Variants in RFC3 observed in about 807,000 individuals in gnomAD.
RFC3 encodes replication factor C subunit 3.
RFC3 carries 41 observed loss-of-function variants against 45.1 expected under a neutral mutation model. The ratio of observed to expected loss-of-function variants is 0.91; its 90% confidence interval spans 0.71 to 1.18. The LOEUF is 1.18. RFC3 is among the 50% of genes most tolerant of loss of function. RFC3 has a pLI of 0.00. For missense variants in RFC3, 423 were observed against 428.1 expected, an observed-to-expected ratio of 0.99 and a Z score of 0.10; for synonymous variants, 149 against 144.0, an observed-to-expected ratio of 1.03 and a Z score of -0.25.
chr13:33,969,823 A>G (rs1177134597), downstream of RFC3, among the ~76,000 whole-genome samples: 2 of 152,164 alleles, frequency 1.3e-5, no homozygotes, highest in African/African-American at 4.8e-5. Flanking sequence ...TAACTATAGA[A>G]ATTATATGTG....
rs1347054649 is a variant in RFC3, at chr13:33,836,099, T to C, written c.880-5T>C. 3.1e-6 allele frequency: 5 copies of C among 1,599,546 alleles called. No individual in the cohort carries two copies. In the African/African-American group the frequency reaches 6.7e-5, roughly 21 times the overall value. ...ATTTTTAAATTACTGATTATTTTTG[T>C]TTAGGGCCTTCTCTCAGAACTGTTA... is the stretch of plus-strand genomic sequence containing the variant. On this transcript the variant is annotated splice_region_variant and splice_polypyrimidine_tract_variant and intron_variant, in intron 8 of 8. Transcript: ENST00000380071.
downstream of RFC3, among the ~76,000 whole-genome samples, chr13:33,842,492 A>C (rs1278954523): frequency 6.6e-6 from 1 of 152,122 alleles, no homozygotes; most frequent in East Asian, 1.9e-4. Context: ...CTCTTAACGT[A>C]GGAGTGCTTT....
chr13:33,860,350 T>C (rs938710665), intron 8 of RFC3, among the ~76,000 whole-genome samples: 1 of 151,912 alleles, frequency 6.6e-6, no homozygotes. Context: ...CACCACACAC[T>C]CACTTGCTTG....
chr13:33,905,421 T>C (rs1375431426), intron 8 of RFC3, among the ~76,000 whole-genome samples: 1 of 145,738 alleles, frequency 6.9e-6, no homozygotes, highest in Non-Finnish European at 1.5e-5. Context: ...ACTTGTGTTC[T>C]CTTTTTTTTT....
chr13:33,896,522 G>A (rs1423872898), intron 8 of RFC3, among the ~76,000 whole-genome samples: 3 of 151,668 alleles, frequency 2.0e-5, no homozygotes, highest in Admixed American at 1.3e-4. Context: ...TCAGGAATTT[G>A]AGACCAGCCT....
At chr13:33,877,040 C>T (rs1566012800) in intron 8 of RFC3, among the ~76,000 whole-genome samples, 2 of 152,210 alleles carry the variant, frequency 1.3e-5, no homozygotes, top group East Asian at 1.9e-4. Flanking sequence ...AAGATAACAG[C>T]TGAAAGCTAC....
chr13:33,867,989 A>G (rs2082384436), intron 8 of RFC3, among the ~76,000 whole-genome samples: 1 of 152,238 alleles, frequency 6.6e-6, no homozygotes, highest in Non-Finnish European at 1.5e-5. Context: ...ACAGAAATAG[A>G]GAGGAAAATA....
chr13:33,865,388 G>A (rs564802627), intron 8 of RFC3, among the ~76,000 whole-genome samples: 7 of 152,176 alleles, frequency 4.6e-5, no homozygotes, highest in Non-Finnish European at 8.8e-5. Flanking sequence ...GGTCTGGAAT[G>A]GGAATGCATG....
intron 8 of RFC3, among the ~76,000 whole-genome samples, chr13:33,873,706 A>G (rs2082427724): frequency 6.6e-6 from 1 of 152,194 alleles, no homozygotes; most frequent in Admixed American, 6.5e-5. Flanking sequence ...CTTTTGCTCC[A>G]TCTCCTCATC....
At chr13:33,972,409 A>T in the RFC3 span, among the ~76,000 whole-genome samples, 2 of 152,308 alleles carry the variant, frequency 1.3e-5, no homozygotes, top group Admixed American at 1.3e-4. Context: ...TCAAAGACAG[A>T]CAACTCCACT....
At position 33,941,088 on chromosome 13, in the gene RFC3, C is replaced by T. The variant is rs559196006; in HGVS notation, c.880-24999C>T. On this transcript the variant is annotated intron_variant, in intron 8 of 8. Coordinates refer to the RFC3 transcript ENST00000434425. ...CCACAGTGGATGGGAGCTGGACATG[C>T]GTACTGAGGGAAGTGGATGGAGCTA... Among the ~76,000 whole-genome samples the T allele has an allele frequency of 1.1e-3, 165 of 152,230 alleles. 1 individual carries two copies. Among genetic ancestry groups the T allele is most frequent in the Non-Finnish European group, 1.9e-4 (13 of 68,014 alleles).
At chr13:33,842,559 T>G (rs1156705856) in intron 8 of RFC3, among the ~76,000 whole-genome samples, 1 of 152,200 alleles carries the variant, frequency 6.6e-6, no homozygotes. Context: ...CACCTCAGCC[T>G]CTCTGAATTC....
chr13:33,949,495 T>C (rs1010211144), intron 8 of RFC3, among the ~76,000 whole-genome samples: 3 of 152,238 alleles, frequency 2.0e-5, no homozygotes, highest in Admixed American at 2.0e-4. Flanking sequence ...CAATAGTTTA[T>C]GTATTGGTTA....
chr13:33,964,306 C>G lies in RFC3; in HGVS notation c.880-1781C>G, dbSNP rs958438005. ...TTCCAAAGCCTAGACTTTTTAAAAG[C>G]AATTATCAATCATAAGCTATAATGA... is the stretch of plus-strand genomic sequence containing the variant. On this transcript the variant is annotated intron_variant, in intron 8 of 8. Transcript: ENST00000434425. 3.9e-5 allele frequency among the ~76,000 whole-genome samples: 6 copies of G among 152,126 alleles called. No individual in the cohort carries two copies. The South Asian group carries it at 1.2e-3, about 32-fold the overall frequency.
At chr13:33,912,071 C>G (rs192887910) in intron 8 of RFC3, among the ~76,000 whole-genome samples, 17 of 152,148 alleles carry the variant, frequency 1.1e-4, no homozygotes, top group Middle Eastern at 6.8e-3. Flanking sequence ...TTTGCACCAA[C>G]CTAATATTTG....
intron 3 of RFC3, 59 bp downstream of exon 3, chr13:33,824,043 T>G (rs906008844): frequency 4.8e-6 from 4 of 839,688 alleles, no homozygotes; most frequent in Non-Finnish European, 5.5e-6. Context: ...TGGGCTTTCT[T>G]TTTTTAAAAG....
intron 8 of RFC3, among the ~76,000 whole-genome samples, chr13:33,891,977 GAA>G (rs577095358): frequency 2.0e-5 from 3 of 150,828 alleles, no homozygotes; most frequent in Non-Finnish European, 4.4e-5. Flanking sequence ...ATTCAACCAG[GAA>G]AAAAAACAGA....
At chr13:33,953,903 CA>C (rs1344468131) in intron 8 of RFC3, among the ~76,000 whole-genome samples, 1 of 152,092 alleles carries the variant, frequency 6.6e-6, no homozygotes, top group Non-Finnish European at 1.5e-5. Context: ...CAGTGTTAAG[CA>C]GAGTTTTACT....
At chr13:33,892,535 C>T (rs1262670837) in intron 8 of RFC3, among the ~76,000 whole-genome samples, 1 of 152,172 alleles carries the variant, frequency 6.6e-6, no homozygotes, top group Admixed American at 6.5e-5. Flanking sequence ...CCCCATCAGT[C>T]TTTCCACTTA....
Sources: allele counts gnomAD v4.1 joint callset (sites outside exome capture counted in the v4.1 genomes callset), GRCh38; gene constraint gnomAD v4.1.1; transcripts MANE v1.5; gene names NCBI Gene and HGNC (gene_info 2026-07-23, HGNC 2026-07-21).